MAPKBP1: variants seen among roughly 807,000 people sequenced by gnomAD.
MAPKBP1 encodes the protein mitogen-activated protein kinase binding protein 1, also known as mitogen-activated protein kinase-binding protein 1.
A neutral mutation model predicts 170.5 loss-of-function variants in MAPKBP1; 71 were observed. The ratio of observed to expected loss-of-function variants is 0.42; its 90% CI spans 0.34 to 0.51. The LOEUF (loss-of-function observed/expected upper bound fraction) is 0.51, where lower values mean the gene tolerates loss of function less well. MAPKBP1 is among the 20% of genes least tolerant of loss of function. MAPKBP1 has a pLI of 0.06. For synonymous variants in MAPKBP1, 719 were observed against 757.9 expected (o/e 0.95, Z 0.84); for missense variants, 1,598 against 1,933.0 (o/e 0.83, Z 3.25).
chr15:41,804,777 C>T (rs2064661041), intron 3 of MAPKBP1, among the ~76,000 whole-genome samples: 1 of 152,250 alleles, frequency 6.6e-6, no homozygotes, highest in South Asian at 2.1e-4. Flanking sequence ...TTGGCTTAGG[C>T]CATCCCTGGG....
chr15:41,823,382 G>A, intron 28 of MAPKBP1, 65 bp from the exon 29 acceptor site: 3 of 1,559,706 alleles, frequency 1.9e-6, no homozygotes, highest in East Asian at 2.3e-5. Context: ...CTTCGGGATT[G>A]GGTGTTGGCA....
At chr15:41,785,987 T>C (rs1157426537) in intron 2 of MAPKBP1, among the ~76,000 whole-genome samples, 2 of 152,214 alleles carry the variant, frequency 1.3e-5, no homozygotes, top group Non-Finnish European at 2.9e-5. Context: ...GTTATCCAGG[T>C]ACCTATGAGT....
At chr15:41,785,319 G>A (rs1270730682) in intron 2 of MAPKBP1, among the ~76,000 whole-genome samples, 1 of 151,968 alleles carries the variant, frequency 6.6e-6, no homozygotes, top group Non-Finnish European at 1.5e-5. Context: ...AACTTGTATC[G>A]ATAATACTGA....
chr15:41,803,406 T>C (rs1596079521), intron 3 of MAPKBP1, among the ~76,000 whole-genome samples: 2 of 12,244 alleles, frequency 1.6e-4, no homozygotes, highest in Non-Finnish European at 1.5e-4. Context: ...TGAGCAAGAC[T>C]CCATCTCAAA....
intron 2 of MAPKBP1, among the ~76,000 whole-genome samples, chr15:41,792,300 A>G (rs2064409383): frequency 6.6e-6 from 1 of 151,912 alleles, no homozygotes. Context: ...TCTGGAGGAT[A>G]TGATAGTGCT....
Position 41,817,139 on chromosome 15 carries a change from C to T in MAPKBP1, c.1711+104C>T. 6.7e-7 allele frequency: 1 copy of T among 1,502,422 alleles called. No homozygotes were observed. The highest frequency in any genetic ancestry group is 8.9e-7 in the Non-Finnish European group (1 of 1,121,398). 93.1% of individuals were successfully genotyped at this position (1,502,422 alleles called of 1,614,324 possible). The stretch of plus-strand genomic sequence containing the variant: ...CTGCCCATTGTGGGGGAGTGTTGGA[C>T]AGCAGCTGGGAGGCCTGGAGCTGGT... On this transcript the variant is annotated intron_variant, in intron 14 of 30. Coordinates refer to ENST00000457542, the MANE Select transcript of MAPKBP1 (RefSeq NM_014994.3). The surrounding 1 kb of genome is among the most constrained non-coding windows in gnomAD (Gnocchi z 4.2).
At chr15:41,782,043 T>C (rs1018937995) in intron 2 of MAPKBP1, among the ~76,000 whole-genome samples, 1 of 143,488 alleles carries the variant, frequency 7.0e-6, no homozygotes, top group African/African-American at 2.6e-5. Flanking sequence ...GGTCAGGAGA[T>C]CGAGACCATC....
rs751538977 is a variant in MAPKBP1 at position 41,819,550 on chromosome 15, G to GGGC, written c.2426-43_2426-42insCGG. ...CCAGGGCTCCAGGGTTGGGTGGCGG[G>GGGC]GGGGGGGCAGGAGACACTTCCTCTG... is the stretch of plus-strand genomic sequence containing the variant. On this transcript the variant is annotated intron_variant, in intron 21 of 30. Coordinates refer to ENST00000457542, the MANE Select transcript of MAPKBP1 (RefSeq NM_014994.3). 3.6e-5 allele frequency: 55 copies of GGGC among 1,518,526 alleles called. 1 individual carries two copies. Among genetic ancestry groups the GGGC allele is most frequent in the East Asian group, 1.3e-4 (6 of 44,556 alleles). 94.1% of individuals were successfully genotyped at this position (1,518,526 alleles called of 1,614,324 possible). A position where few individuals can be genotyped will look rare whatever the true frequency, so the allele number is the denominator to read the frequency against.
At chr15:41,824,157 G>A in intron 29 of MAPKBP1, 96 bp downstream of exon 29, 2 of 1,472,488 alleles carry the variant, frequency 1.4e-6, no homozygotes, top group Non-Finnish European at 1.8e-6. Context: ...TGTGGGTACA[G>A]CTTCTGGTGT....
chr15:41,786,777 A>AAAAAAAATATATATATATATATATAT, intron 2 of MAPKBP1, among the ~76,000 whole-genome samples: 7 of 32,438 alleles, frequency 2.2e-4, no homozygotes, highest in African/African-American at 9.2e-4. Flanking sequence ...AAAAAAAAAA[A>AAAAAAAATATATATATATATATATAT]ATATATATAT....
intron 1 of MAPKBP1, 144 bp downstream of exon 1, chr15:41,774,754 C>G (rs1463763179): frequency 5.0e-6 from 2 of 399,408 alleles, no homozygotes; most frequent in African/African-American, 4.1e-5. Flanking sequence ...CGTGGCAGAA[C>G]GAGTTGTGGG....
At position 41,823,754 on chromosome 15, in the gene MAPKBP1, T is replaced by C; in HGVS notation, c.3906T>C (p.Pro1302=). The part of the protein sequence containing the change: ...LDIPKPLPDR[P]TLAAFSPVTK... ...TCCCCAAACCACTGCCTGACCGTCC[T>C]ACCCTGGCTGCATTCTCTCCTGTCA... is the stretch of plus-strand genomic sequence containing the variant. The change falls in exon 29 of 31, where the codon CCT becomes CCC. Residue 1302 remains proline (P), a synonymous_variant. Coordinates refer to ENST00000457542, the MANE Select transcript of MAPKBP1 (RefSeq NM_014994.3). 3 of 1,614,086 alleles carry C rather than the reference T, an allele frequency of 1.9e-6. No homozygotes were observed. Among genetic ancestry groups the C allele is most frequent in the Non-Finnish European group, 2.5e-6 (3 of 1,180,008 alleles).
Position 41,815,341 on chromosome 15 carries a change from G to A in MAPKBP1, c.1253G>A (p.Arg418His), listed in dbSNP as rs756380624. The A allele has an allele frequency of 5.0e-6, 8 of 1,613,986 alleles. No homozygotes were observed. The highest frequency in any genetic ancestry group is 3.3e-5 in the Admixed American group (2 of 60,002). The change falls in exon 11 of 31, where the codon CGC (arginine) becomes CAC (histidine). Residue 418 changes from arginine to histidine, a missense_variant. By Grantham distance (29) the Arg-to-His change is conservative (BLOSUM62 0). Coordinates refer to ENST00000457542, the MANE Select transcript of MAPKBP1 (RefSeq NM_014994.3). Reference protein sequence around the residue: ...FITCSSDNTIRLWNTESSGVH... With the variant: ...FITCSSDNTIHLWNTESSGVH... ...ACCTGCTCCTCAGACAACACCATCC[G>A]CCTGTGGAACACAGAGAGCTCCGGG...
Position 41,822,007 on chromosome 15 carries a change from A to T in MAPKBP1, c.2928A>T (p.Arg976Ser). The T allele has an allele frequency of 6.2e-7, 1 of 1,610,690 alleles. No homozygotes were observed. The highest frequency in any genetic ancestry group is 8.5e-7 in the Non-Finnish European group (1 of 1,178,478). The change falls in exon 25 of 31, where the codon AGA (arginine) becomes AGT (serine). Residue 976 changes from arginine to serine, a missense_variant. Arg to Ser is a moderately radical substitution (Grantham distance 110, BLOSUM62 -1). Transcript: ENST00000457542. ...VQAPARGTLG[R>S]VYPGSRSSEK... Reference sequence around the variant, plus strand: ...CTCCAGCCCGGGGAACTCTGGGAAGAGTGTACCCAGGCAGCAGGAGCTCAG... The same window carrying T: ...CTCCAGCCCGGGGAACTCTGGGAAGTGTGTACCCAGGCAGCAGGAGCTCAG...
rs758888066 is a variant in MAPKBP1 at position 41,818,326 on chromosome 15, C to G, written c.2092+21C>G. 19 of 1,588,822 alleles carry G rather than the reference C, an allele frequency of 1.2e-5. No individual in the cohort carries two copies. In the Admixed American group the frequency reaches 3.2e-4, roughly 27 times the overall value. ...CTCAGGTGAGTGTAGCCTGAATCCC[C>G]GAGTAGAAGCTGATACCTGCGTAAA... is the stretch of plus-strand genomic sequence containing the variant. On this transcript the variant is annotated intron_variant, in intron 18 of 30. Coordinates refer to ENST00000457542, the MANE Select transcript of MAPKBP1 (RefSeq NM_014994.3). The surrounding 1 kb of genome is among the most constrained non-coding windows in gnomAD (Gnocchi z 5.2).
At chr15:41,797,642 T>C (rs150852597) in intron 2 of MAPKBP1, among the ~76,000 whole-genome samples, 419 of 152,284 alleles carry the variant, frequency 2.8e-3, no homozygotes, top group Non-Finnish European at 3.9e-3. Flanking sequence ...CTATCAAGAA[T>C]GTATAGAGAA....
In MAPKBP1 at chr15:41,824,530, C is replaced by T. The variant is rs376198863; in HGVS notation, c.4260C>T (p.Leu1420=). 7 of 1,603,504 alleles carry T rather than the reference C, an allele frequency of 4.4e-6. No homozygotes were observed. Among genetic ancestry groups the T allele is most frequent in the Non-Finnish European group, 6.0e-6 (7 of 1,175,828 alleles). The change falls in exon 30 of 31, where the codon CTC becomes CTT. Residue 1420 remains leucine, a synonymous_variant. Coordinates refer to ENST00000457542, the MANE Select transcript of MAPKBP1 (RefSeq NM_014994.3). ...AGTGTGAGCAGCTGGTGGCAGAGCT[C>T]CGCGGCAGCGTGCGCCAGGCAGTGC... ...LEQCEQLVAE[L]RGSVRQAVRL...
At chr15:41,797,072 C>T (rs1378588279) in intron 2 of MAPKBP1, among the ~76,000 whole-genome samples, 4 of 152,088 alleles carry the variant, frequency 2.6e-5, no homozygotes, top group Non-Finnish European at 4.4e-5. Flanking sequence ...GGCCAAAAAA[C>T]TTTGATAAAC....
intron 2 of MAPKBP1, among the ~76,000 whole-genome samples, chr15:41,782,092 C>CAAAAAAAAA (rs58449893): frequency 1.8e-5 from 2 of 111,204 alleles, no homozygotes; most frequent in African/African-American, 7.0e-5. Flanking sequence ...ACTAAAAATA[C>CAAAAAAAAA]AAAAAAAAAA....
Sources: allele counts gnomAD v4.1 joint callset (sites outside exome capture counted in the v4.1 genomes callset), GRCh38; gene constraint gnomAD v4.1.1; non-coding constraint Gnocchi (gnomAD v3.1); transcripts MANE v1.5; gene names NCBI Gene and HGNC (gene_info 2026-07-23, HGNC 2026-07-21).